Variants in INPP4B observed in about 807,000 individuals in gnomAD.
INPP4B encodes the protein inositol polyphosphate 4-phosphatase type II.
In INPP4B, 55 loss-of-function variants were observed where a neutral mutation model predicts 122.5. The observed-to-expected ratio is 0.45, with a 90% CI of 0.36 to 0.56. The LOEUF (loss-of-function observed/expected upper bound fraction) is 0.56, where lower values mean the gene tolerates loss of function less well. Among genes scored for constraint, INPP4B ranks in the 20% least tolerant of loss-of-function variants. INPP4B has a pLI of 0.00. For missense variants in INPP4B, 1,000 were observed against 1,097.7 expected, an observed-to-expected ratio of 0.91 and a Z score of 1.26; for synonymous variants, 403 against 388.7, an observed-to-expected ratio of 1.04 and a Z score of -0.43.
At position 142,063,085 on chromosome 4, in the gene INPP4B, G is replaced by A. The variant is rs1220075931; in HGVS notation, c.2642+18946C>T. Among the ~76,000 whole-genome samples the A allele has an allele frequency of 2.6e-5, 4 of 152,270 alleles. No homozygotes were observed. The South Asian group carries it at 8.3e-4, about 32-fold the overall frequency. The stretch of plus-strand genomic sequence containing the variant: ...AAAGCCTTCTTTTATATGTAAGAAT[G>A]TTGATTCAACATTTATTTTTTGCAG... On this transcript the variant is annotated intron_variant, in intron 25 of 25. Transcript: ENST00000262992.
intron 12 of INPP4B, among the ~76,000 whole-genome samples, chr4:142,227,902 T>C (rs1022086187): frequency 6.7e-6 from 1 of 148,574 alleles, no homozygotes; most frequent in African/African-American, 2.5e-5. Flanking sequence ...AAACAGTATG[T>C]TTCAAGAAAA....
rs564207899 is a variant in INPP4B, at chr4:142,665,850, C to CTA, written c.-191+59987_-191+59988dup. On this transcript the variant is annotated intron_variant, in intron 2 of 25. Coordinates refer to ENST00000262992, the MANE Select transcript of INPP4B (RefSeq NM_001101669.3). ...CCCTCTTGTCCATGAGGGCTATGTT[C>CTA]TAAGACCCCCAGTGGATGCCTAAAA... Among the ~76,000 whole-genome samples, 360 of 152,204 alleles carry CTA rather than the reference C, an allele frequency of 2.4e-3. 2 individuals are homozygous for CTA. The highest frequency in any genetic ancestry group is 4.3e-3 in the Non-Finnish European group (295 of 68,008).
At chr4:142,283,801 C>T (rs2150830282) in intron 9 of INPP4B, among the ~76,000 whole-genome samples, 1 of 152,070 alleles carries the variant, frequency 6.6e-6, no homozygotes, top group Non-Finnish European at 1.5e-5. Context: ...ACATTAAAAG[C>T]TTTAAGACTA....
At chr4:142,555,609 C>G (rs768518728) in intron 2 of INPP4B, among the ~76,000 whole-genome samples, 1 of 152,060 alleles carries the variant, frequency 6.6e-6, no homozygotes, top group Non-Finnish European at 1.5e-5. Flanking sequence ...TGGCTCATGC[C>G]TGTAATCCCA....
intron 11 of INPP4B, among the ~76,000 whole-genome samples, chr4:142,257,876 A>T (rs1737229710): frequency 6.6e-6 from 1 of 152,190 alleles, no homozygotes; most frequent in African/African-American, 2.4e-5. Flanking sequence ...TGGAACCAAA[A>T]AAGAGCCTGC....
intron 18 of INPP4B, among the ~76,000 whole-genome samples, chr4:142,139,600 C>T (rs908359406): frequency 3.3e-5 from 5 of 152,180 alleles, no homozygotes; most frequent in Non-Finnish European, 7.3e-5. Flanking sequence ...AGCCACCCTG[C>T]CCGGCCCAGT....
chr4:142,127,961 G>A (rs1365463461), intron 18 of INPP4B, among the ~76,000 whole-genome samples: 1 of 151,970 alleles, frequency 6.6e-6, no homozygotes, highest in Non-Finnish European at 1.5e-5. Context: ...GTTCATAAAT[G>A]GCCTTTTTGC....
At chr4:142,703,745 A>T (rs573503844) in intron 2 of INPP4B, among the ~76,000 whole-genome samples, 1 of 152,320 alleles carries the variant, frequency 6.6e-6, no homozygotes, top group Non-Finnish European at 1.5e-5. Flanking sequence ...TGAGGGCAGA[A>T]TGCATTGGTA....
intron 5 of INPP4B, among the ~76,000 whole-genome samples, chr4:142,418,719 A>G (rs1806257266): frequency 6.6e-6 from 1 of 152,170 alleles, no homozygotes; most frequent in African/African-American, 2.4e-5. Context: ...TAGAAAATTA[A>G]CACAAGGTAA....
At chr4:142,289,947 A>C (rs1755620670) in intron 9 of INPP4B, among the ~76,000 whole-genome samples, 1 of 151,626 alleles carries the variant, frequency 6.6e-6, no homozygotes, top group Non-Finnish European at 1.5e-5. Context: ...ATGTCTTACC[A>C]CCTCCCTGCA....
chr4:142,655,602 G>C (rs11730175), intron 2 of INPP4B, among the ~76,000 whole-genome samples: 3 of 152,014 alleles, frequency 2.0e-5, no homozygotes, highest in Non-Finnish European at 4.4e-5. Flanking sequence ...ATGAGTCTAC[G>C]ATTAAGTAAC....
intron 2 of INPP4B, among the ~76,000 whole-genome samples, chr4:142,691,678 T>C (rs1370173528): frequency 1.3e-5 from 2 of 152,084 alleles, no homozygotes; most frequent in African/African-American, 4.8e-5. Context: ...TTCCTGGGGG[T>C]AGCTCAGGAA....
intron 2 of INPP4B, among the ~76,000 whole-genome samples, chr4:142,523,405 T>C (rs1029924955): frequency 6.6e-6 from 1 of 152,114 alleles, no homozygotes. Context: ...TGTACACTTG[T>C]CATGCAAAGG....
upstream of INPP4B, among the ~76,000 whole-genome samples, chr4:142,846,494 C>A (rs1784215043): frequency 6.6e-6 from 1 of 152,134 alleles, no homozygotes; most frequent in African/African-American, 2.4e-5. The surrounding 1 kb of genome is among the most constrained non-coding windows in gnomAD (Gnocchi z 5.1). Flanking sequence ...GCCCCGCGCG[C>A]GCCCCAGAGA....
chr4:142,087,085 C>T (rs901207235), intron 23 of INPP4B, among the ~76,000 whole-genome samples: 5 of 152,138 alleles, frequency 3.3e-5, no homozygotes, highest in Non-Finnish European at 5.9e-5. Context: ...GGGAGGAAGA[C>T]CATACTGTGC....
At chr4:142,067,854 A>G (rs1448640215) in intron 25 of INPP4B, among the ~76,000 whole-genome samples, 3 of 152,246 alleles carry the variant, frequency 2.0e-5, no homozygotes, top group African/African-American at 7.2e-5. Flanking sequence ...TCTATGTCTG[A>G]TTGGTGTACC....
At chr4:142,484,866 T>G (rs1390881531) in intron 2 of INPP4B, among the ~76,000 whole-genome samples, 2 of 152,076 alleles carry the variant, frequency 1.3e-5, no homozygotes, top group African/African-American at 4.8e-5. Flanking sequence ...TCTACTTTGT[T>G]TAGATGTTAT....
At chr4:142,118,266 C>T (rs1794745664) in intron 21 of INPP4B, among the ~76,000 whole-genome samples, 1 of 152,138 alleles carries the variant, frequency 6.6e-6, no homozygotes, top group Non-Finnish European at 1.5e-5. Flanking sequence ...CTACCAATGA[C>T]TTTCTTCACA....
chr4:142,592,466 G>C (rs1406903084), intron 2 of INPP4B, among the ~76,000 whole-genome samples: 4 of 152,088 alleles, frequency 2.6e-5, no homozygotes, highest in African/African-American at 9.7e-5. Flanking sequence ...TAATAAGAAA[G>C]TTATTTAAAA....
Sources: allele counts gnomAD v4.1 joint callset (sites outside exome capture counted in the v4.1 genomes callset), GRCh38; gene constraint gnomAD v4.1.1; non-coding constraint Gnocchi (gnomAD v3.1); transcripts MANE v1.5; gene names NCBI Gene and HGNC (gene_info 2026-07-23, HGNC 2026-07-21).